The following RTL4 variants were observed in gnomAD, a reference collection of about 807,000 sequenced individuals.
RTL4 encodes the protein retrotransposon Gag like 4, also known as retrotransposon Gag-like protein 4.
Under a neutral mutation model 5.3 loss-of-function variants are expected in RTL4, and 4 were observed. That is an observed-to-expected ratio of 0.75 (90% CI 0.37 to 1.72). The LOEUF is 1.72. Among genes scored for constraint, RTL4 ranks in the 40% most tolerant of loss-of-function variants. The pLI, the probability that RTL4 is intolerant of heterozygous loss-of-function variation, is 0.04. For missense variants in RTL4, 260 were observed against 227.1 expected, an observed-to-expected ratio of 1.14 and a Z score of -0.93; for synonymous variants, 98 against 87.3, an observed-to-expected ratio of 1.12 and a Z score of -0.68.
chrX:112,396,980 T>C, the RTL4 span, among the ~76,000 whole-genome samples: 2 of 111,787 alleles, frequency 1.8e-5, no homozygotes, highest in Non-Finnish European at 3.8e-5. Flanking sequence ...AGAGGTAAAT[T>C]GCATGAGTTT....
chrX:112,454,775 C>A lies in RTL4; in HGVS notation c.47C>A (p.Ser16Tyr), dbSNP rs781268975. ...TCATCTACCATGCAGGTAGAGCCTT[C>A]CTTTCTTCAGGCAGAGAATCTGATT... Residue 16 changes from serine to tyrosine, a missense_variant, in exon 1 of 1, where the codon TCC (serine) becomes TAC (tyrosine). Ser to Tyr is a moderately radical substitution (Grantham distance 144). Transcript: ENST00000340433. The A allele has an allele frequency of 5.0e-6, 6 of 1,203,112 alleles. No homozygotes were observed. In the East Asian group the frequency reaches 1.8e-4, roughly 36 times the overall value.
the RTL4 span, among the ~76,000 whole-genome samples, chrX:112,091,713 C>T: frequency 1.8e-5 from 2 of 110,636 alleles, no homozygotes; most frequent in Non-Finnish European, 3.8e-5. Flanking sequence ...GTTTATTCTG[C>T]TGTTTTGGGG....
chrX:112,137,562 A>G, the RTL4 span, among the ~76,000 whole-genome samples: 479 of 111,346 alleles, frequency 4.3e-3, 3 homozygotes, highest in African/African-American at 0.014. Flanking sequence ...ACAGCATAGA[A>G]GAAACCACCC....
the RTL4 span, among the ~76,000 whole-genome samples, chrX:112,313,894 T>G: frequency 9.0e-6 from 1 of 110,921 alleles, no homozygotes; most frequent in African/African-American, 3.3e-5. Context: ...AGTTGAGTAT[T>G]CTCAGCATGG....
chrX:112,310,381 TA>T, the RTL4 span, among the ~76,000 whole-genome samples: 15 of 22,923 alleles, frequency 6.5e-4, no homozygotes, highest in South Asian at 0.046. Context: ...TATATATATA[TA>T]TATATATATA....
At chrX:112,399,244 T>G in the RTL4 span, among the ~76,000 whole-genome samples, 2 of 112,113 alleles carry the variant, frequency 1.8e-5, no homozygotes, top group East Asian at 5.6e-4. Flanking sequence ...GCTAAAGGTT[T>G]ACCTATTTTA....
chrX:112,226,560 T>C, the RTL4 span, among the ~76,000 whole-genome samples: 4 of 111,770 alleles, frequency 3.6e-5, no homozygotes, highest in Admixed American at 3.8e-4. Flanking sequence ...TGATCAGATA[T>C]ATAGAGAGAT....
At chrX:112,210,224 A>G in the RTL4 span, among the ~76,000 whole-genome samples, 1 of 112,130 alleles carries the variant, frequency 8.9e-6, no homozygotes, top group East Asian at 2.8e-4. Flanking sequence ...CCTGAGAACC[A>G]TTTTAGGATA....
the RTL4 span, among the ~76,000 whole-genome samples, chrX:112,213,172 A>T: frequency 8.9e-6 from 1 of 112,987 alleles, no homozygotes; most frequent in Admixed American, 9.3e-5. Flanking sequence ...ACTTGCGGGA[A>T]AGAAAAAATA....
chrX:112,308,738 T>C, the RTL4 span, among the ~76,000 whole-genome samples: 2 of 111,574 alleles, frequency 1.8e-5, no homozygotes, highest in Non-Finnish European at 3.8e-5. Context: ...ATTGATTGCT[T>C]GTTCTTGGTT....
the RTL4 span, among the ~76,000 whole-genome samples, chrX:112,373,860 A>T: frequency 9.0e-6 from 1 of 110,669 alleles, no homozygotes; most frequent in Non-Finnish European, 1.9e-5. Context: ...CTAGAGATTC[A>T]CATCAAAGGA....
the RTL4 span, among the ~76,000 whole-genome samples, chrX:112,103,645 T>C: frequency 5.4e-5 from 6 of 110,912 alleles, no homozygotes; most frequent in Non-Finnish European, 1.1e-4. Flanking sequence ...TTCTAGGTAA[T>C]ATGATACTCA....
chrX:112,384,665 T>C, the RTL4 span, among the ~76,000 whole-genome samples: 1 of 111,944 alleles, frequency 8.9e-6, no homozygotes, highest in South Asian at 3.7e-4. Flanking sequence ...TTTGTTCTTT[T>C]TGCTTAGGAT....
the RTL4 span, among the ~76,000 whole-genome samples, chrX:112,178,319 T>G: frequency 1.8e-5 from 2 of 111,724 alleles, no homozygotes; most frequent in African/African-American, 3.3e-5. Flanking sequence ...TGAGTAGATC[T>G]TCTCACATGA....
chrX:112,271,629 C>T, the RTL4 span, among the ~76,000 whole-genome samples: 2 of 111,677 alleles, frequency 1.8e-5, no homozygotes, highest in African/African-American at 6.5e-5. Context: ...ACAAGACTCT[C>T]AATTATTTTT....
At chrX:112,432,164 T>C in the RTL4 span, among the ~76,000 whole-genome samples, 3,711 of 104,214 alleles carry the variant, frequency 0.036, 183 homozygotes, top group African/African-American at 0.11. Flanking sequence ...AAGTCTTTGC[T>C]ATTGTGAATA....
the RTL4 span, among the ~76,000 whole-genome samples, chrX:112,209,222 T>C: frequency 6.2e-5 from 7 of 112,459 alleles, no homozygotes; most frequent in Non-Finnish European, 9.4e-5. Flanking sequence ...TCCATCCACA[T>C]ACCTCTTCCT....
the RTL4 span, among the ~76,000 whole-genome samples, chrX:112,351,053 T>A: frequency 1.8e-5 from 2 of 111,348 alleles, no homozygotes; most frequent in Non-Finnish European, 3.8e-5. Flanking sequence ...TCCCAGAGAT[T>A]CTGGTATGCT....
chrX:112,112,025 T>G, the RTL4 span, among the ~76,000 whole-genome samples: 1 of 111,864 alleles, frequency 8.9e-6, no homozygotes, highest in African/African-American at 3.3e-5. Flanking sequence ...AGTATGCCAT[T>G]TACATCATGA....
Sources: allele counts gnomAD v4.1 joint callset (sites outside exome capture counted in the v4.1 genomes callset), GRCh38; gene constraint gnomAD v4.1.1; transcripts MANE v1.5; gene names NCBI Gene and HGNC (gene_info 2026-07-23, HGNC 2026-07-21).